IBTK: variants seen among roughly 807,000 people sequenced by gnomAD.
IBTK encodes the protein inhibitor of Bruton tyrosine kinase.
A neutral mutation model predicts 154.9 loss-of-function variants in IBTK; 83 were observed. That is an observed-to-expected ratio of 0.54 (90% CI 0.45 to 0.64). The LOEUF is 0.64. Among genes scored for constraint, IBTK ranks in the 30% least tolerant of loss-of-function variants. The probability of loss-of-function intolerance (pLI) is 0.00; values close to 1 mark genes in which losing one functional copy is unlikely to be tolerated. For synonymous variants in IBTK, 515 were observed against 536.1 expected, an observed-to-expected ratio of 0.96 and a Z score of 0.54; for missense variants, 1,332 against 1,584.6, an observed-to-expected ratio of 0.84 and a Z score of 2.71.
intron 26 of IBTK, among the ~76,000 whole-genome samples, chr6:82,181,059 CT>C (rs930876335): frequency 2.0e-5 from 3 of 151,944 alleles, no homozygotes; most frequent in Non-Finnish European, 4.4e-5. Flanking sequence ...AAATATGAAA[CT>C]TTTTTTTAAA....
intron 3 of IBTK, among the ~76,000 whole-genome samples, 189 bp downstream of exon 3, chr6:82,233,970 C>T (rs1437896077): frequency 1.3e-5 from 2 of 152,040 alleles, no homozygotes; most frequent in Non-Finnish European, 2.9e-5. Context: ...CTCAAGTGAT[C>T]CGCCTGCCTC....
chr6:82,220,954 AC>A (rs1770075780), intron 8 of IBTK, among the ~76,000 whole-genome samples: 2 of 149,182 alleles, frequency 1.3e-5, no homozygotes, highest in Non-Finnish European at 3.0e-5. Flanking sequence ...ACACACACAC[AC>A]ACACACACAC....
chr6:82,232,927 C>T lies in IBTK; in HGVS notation c.419-1085G>A, dbSNP rs760371777. Among the ~76,000 whole-genome samples, 6 of 151,986 alleles carry T rather than the reference C, an allele frequency of 3.9e-5. No homozygotes were observed. In the South Asian group the frequency reaches 8.3e-4, roughly 21 times the overall value. On this transcript the variant is annotated intron_variant, in intron 3 of 28. Coordinates refer to ENST00000306270, the MANE Select transcript of IBTK (RefSeq NM_015525.4). ...CAGCACTTTGGGAGACCGAGGCAGACGGATCACCTGAGGTCAGGAGTTCGA... is the reference window on the plus strand; with the variant it reads ...CAGCACTTTGGGAGACCGAGGCAGATGGATCACCTGAGGTCAGGAGTTCGA...
In IBTK at chr6:82,210,736, G is replaced by C. The variant is rs1582221677; in HGVS notation, c.2509+78C>G. The stretch of plus-strand genomic sequence containing the variant: ...CTTTATTGATGGTTTTTTTCTATTA[G>C]AAATTAAGATTCACGTTGATTTTAC... On this transcript the variant is annotated intron_variant, in intron 16 of 28. Transcript: ENST00000306270. 3.7e-5 allele frequency: 21 copies of C among 568,610 alleles called. No homozygotes were observed. The East Asian group carries it at 6.9e-4, about 19-fold the overall frequency. The allele number at this position is 568,610 out of a possible 1,614,324, so 35.2% of individuals were successfully genotyped here.
intron 3 of IBTK, among the ~76,000 whole-genome samples, chr6:82,232,104 A>AG (rs2035458375): frequency 6.6e-6 from 1 of 150,582 alleles, no homozygotes. Flanking sequence ...TATGTTGCCC[A>AG]GACTGGTCTT....
chr6:82,240,365 CAAT>C lies in IBTK; in HGVS notation c.119_121del (p.His40_Cys41delinsArg). 6.2e-7 allele frequency: 1 copy of C among 1,614,198 alleles called. No homozygotes were observed. Among genetic ancestry groups the C allele is most frequent in the Non-Finnish European group, 8.5e-7 (1 of 1,180,034 alleles). ...ATCCTTGATAGTTGCAGCATTGTAA[CAAT>C]GACTGGAGAGAAAGGCCTTAATCTG... On this transcript the variant is annotated inframe_deletion, in exon 2 of 29. Transcript: ENST00000306270.
In IBTK at chr6:82,225,660, A is replaced by G. The variant is rs776389152; in HGVS notation, c.655-13T>C. On this transcript the variant is annotated splice_polypyrimidine_tract_variant and intron_variant, in intron 5 of 28. Transcript: ENST00000306270. The stretch of plus-strand genomic sequence containing the variant: ...CAAGCCGAGGGACCTACAAAATAAA[A>G]TTAACTTTAGTATACTACATTAACC... The G allele has an allele frequency of 5.0e-6, 8 of 1,594,360 alleles. No homozygotes were observed. The highest frequency in any genetic ancestry group is 6.0e-6 in the Non-Finnish European group (7 of 1,173,780).
intron 20 of IBTK, 76 bp from the exon 21 acceptor site, chr6:82,200,329 G>A (rs1486495258): frequency 2.0e-6 from 2 of 1,018,680 alleles, no homozygotes; most frequent in Non-Finnish European, 3.0e-6. Context: ...AACCCAACAT[G>A]TTTAACCTGA....
At position 82,200,161 on chromosome 6, in the gene IBTK, A is replaced by G; in HGVS notation, c.3005T>C (p.Ile1002Thr). The change falls in exon 21 of 29, where the codon ATT (isoleucine) becomes ACT (threonine). Residue 1002 changes from isoleucine to threonine, a missense_variant. By Grantham distance (89) the Ile-to-Thr change is moderately conservative (BLOSUM62 -1). Transcript: ENST00000306270. ...CGAACCTGTAGATGATGGACTCTGA[A>G]TAATATCTGAAAGGTTATAACCTCC... ...SSGGYNLSDI[I>T]QSPSSTGLLK... is the part of the protein sequence containing the mutation. 6.2e-7 allele frequency: 1 copy of G among 1,608,332 alleles called. No individual in the cohort carries two copies. The highest frequency in any genetic ancestry group is 8.5e-7 in the Non-Finnish European group (1 of 1,176,224).
chr6:82,216,291 T>C (rs759509877), intron 10 of IBTK, 41 bp from the exon 11 acceptor site: 1 of 1,272,784 alleles, frequency 7.9e-7, no homozygotes. Flanking sequence ...AAGGCTTTAC[T>C]GAAACTACTA....
At position 82,225,127 on chromosome 6, in the gene IBTK, C is replaced by G. The variant is rs1002583419; in HGVS notation, c.825+350G>C. 6.1e-4 allele frequency among the ~76,000 whole-genome samples: 90 copies of G among 148,292 alleles called. 2 individuals are homozygous for G. The highest frequency in any genetic ancestry group is 2.2e-3 in the African/African-American group (88 of 40,256). On this transcript the variant is annotated intron_variant, in intron 6 of 28. Transcript: ENST00000306270. Reference sequence around the variant, plus strand: ...CCAGCCTGGTCAACATGACAAAACCCTCTCTACTAAAAAATACTCAAAAAA... The same window carrying G: ...CCAGCCTGGTCAACATGACAAAACCGTCTCTACTAAAAAATACTCAAAAAA...
chr6:82,208,367 G>A lies in IBTK; in HGVS notation c.2509+2447C>T, dbSNP rs540439663. 2.0e-4 allele frequency among the ~76,000 whole-genome samples: 30 copies of A among 152,110 alleles called. 1 individual carries two copies. The highest frequency in any genetic ancestry group is 1.8e-3 in the Admixed American group (27 of 15,268). On this transcript the variant is annotated intron_variant, in intron 16 of 28. Transcript: ENST00000306270. ...GAGAGACAGAACTATAAAACTCTTA[G>A]AAGAAAACATACAGGGTAATCATCA...
At chr6:82,227,442 T>C in intron 4 of IBTK, 140 bp from the exon 5 acceptor site, 1 of 452,080 alleles carries the variant, frequency 2.2e-6, no homozygotes, top group Non-Finnish European at 3.8e-6. Flanking sequence ...ATTTCCACAT[T>C]TTAAGTTTCC....
At chr6:82,208,048 T>C (rs929136788) in intron 16 of IBTK, among the ~76,000 whole-genome samples, 1 of 151,300 alleles carries the variant, frequency 6.6e-6, no homozygotes, top group African/African-American at 2.4e-5. Flanking sequence ...ATATACAGCA[T>C]GGCCACTACA....
chr6:82,185,720 A>T (rs2127800724), intron 25 of IBTK, among the ~76,000 whole-genome samples: 1 of 152,152 alleles, frequency 6.6e-6, no homozygotes, highest in South Asian at 2.1e-4. Flanking sequence ...CACATGAAAA[A>T]TTATATCATA....
At chr6:82,192,892 A>T (rs1424356326) in intron 23 of IBTK, among the ~76,000 whole-genome samples, 2 of 151,988 alleles carry the variant, frequency 1.3e-5, no homozygotes, top group Non-Finnish European at 2.9e-5. Flanking sequence ...AAGATCAGGA[A>T]TTCAAGACCA....
At chr6:82,180,710 T>C (rs1056588271) in intron 26 of IBTK, among the ~76,000 whole-genome samples, 11 of 152,178 alleles carry the variant, frequency 7.2e-5, no homozygotes, top group Admixed American at 2.6e-4. Context: ...AAGAAGACAG[T>C]CACAATAGTA....
chr6:82,234,336 A>AT (rs1770636873), intron 2 of IBTK, 81 bp from the exon 3 acceptor site: 4 of 472,310 alleles, frequency 8.5e-6, no homozygotes, highest in South Asian at 1.6e-4. Flanking sequence ...CTATTTTATT[A>AT]TTATTTTTTT....
intron 25 of IBTK, among the ~76,000 whole-genome samples, chr6:82,189,572 G>T (rs796684722): frequency 5.3e-5 from 8 of 152,252 alleles, no homozygotes; most frequent in African/African-American, 1.9e-4. Flanking sequence ...GAAAACTGGG[G>T]ATCAAACACT....
Sources: gnomAD v4.1 joint callset for allele counts (sites outside exome capture counted in the v4.1 genomes callset) on GRCh38, gnomAD v4.1.1 for gene constraint, MANE v1.5 for transcripts, NCBI Gene and HGNC (gene_info 2026-07-23, HGNC 2026-07-21) for gene names.